KCNS3: variants seen among roughly 807,000 people sequenced by gnomAD.
KCNS3 encodes the protein potassium voltage-gated channel modifier subfamily S member 3.
A neutral mutation model predicts 31.0 loss-of-function variants in KCNS3; 13 were observed. That is an observed-to-expected ratio of 0.42 (90% CI 0.27 to 0.67). KCNS3 has a LOEUF of 0.67. Ranked by LOEUF, KCNS3 falls within the 30% of genes least tolerant of loss-of-function variation. The probability of loss-of-function intolerance (pLI) is 0.25; values close to 1 mark genes in which losing one functional copy is unlikely to be tolerated. For missense variants in KCNS3, 545 were observed against 622.4 expected (o/e 0.88, Z 1.32); for synonymous variants, 238 against 241.5 (o/e 0.99, Z 0.13).
Position 17,931,455 on chromosome 2 carries a change from G to A in KCNS3, c.447G>A (p.Ser149=), listed in dbSNP as rs1238471772. Residue 149 remains serine (S), a synonymous_variant, in exon 3 of 3, where the codon TCG becomes TCA. Transcript: ENST00000304101. The surrounding 1 kb of genome is among the most constrained non-coding windows in gnomAD (Gnocchi z 5.4). ...GTACCGACTCCTCGTTTGAAGAGTC[G>A]TCTCTGTTTGAGAAAGAGCTGGAGA... The part of the protein sequence containing the change: ...DVSTDSSFEE[S]SLFEKELEKF... 3.1e-6 allele frequency: 5 copies of A among 1,614,054 alleles called. No individual in the cohort carries two copies. Among genetic ancestry groups the A allele is most frequent in the South Asian group, 1.1e-5 (1 of 91,076 alleles).
intron 1 of KCNS3, among the ~76,000 whole-genome samples, chr2:17,904,251 T>C (rs1192272333): frequency 3.3e-5 from 5 of 152,260 alleles, no homozygotes; most frequent in Non-Finnish European, 7.3e-5. Context: ...GCTGCATAAA[T>C]GTCTTCTTTT....
intron 1 of KCNS3, among the ~76,000 whole-genome samples, chr2:17,906,069 G>A (rs1466471183): frequency 1.3e-5 from 2 of 152,122 alleles, no homozygotes; most frequent in Non-Finnish European, 2.9e-5. Context: ...TGATGAATTC[G>A]GCTGTGAATC....
At chr2:17,879,077 G>A (rs775147033) in intron 1 of KCNS3, among the ~76,000 whole-genome samples, 17 of 152,230 alleles carry the variant, frequency 1.1e-4, no homozygotes, top group Non-Finnish European at 2.2e-4. Context: ...TGTTGAAGCG[G>A]TGGCTGGGTT....
At chr2:17,888,629 GTATATATATATA>G (rs70964021) in intron 1 of KCNS3, among the ~76,000 whole-genome samples, 20,117 of 92,492 alleles carry the variant, frequency 0.22, 2,187 homozygotes, top group Non-Finnish European at 0.27. Context: ...TAAAAAAAAT[GTATATATATATA>G]TATATATATA....
rs1211876055 is a variant in KCNS3, at chr2:17,930,892, A to G, written c.-59-58A>G. 2.5e-6 allele frequency: 3 copies of G among 1,221,018 alleles called. No homozygotes were observed. In the East Asian group the frequency reaches 7.1e-5, roughly 29 times the overall value. The allele number at this position is 1,221,018 out of a possible 1,614,324, so 75.6% of individuals were successfully genotyped here. On this transcript the variant is annotated intron_variant, in intron 2 of 2. Transcript: ENST00000304101. ...TCCTCCTGGAAAGGGCAGATTAAAA[A>G]TAAGCTTGGCTGGGCACGGCAGGAC...
intron 1 of KCNS3, among the ~76,000 whole-genome samples, chr2:17,888,548 A>G (rs1012424726): frequency 6.7e-6 from 1 of 149,512 alleles, no homozygotes; most frequent in African/African-American, 2.5e-5. Context: ...GCAGCACACC[A>G]ACATGGCACA....
chr2:17,904,615 C>A (rs1321761350), intron 1 of KCNS3, among the ~76,000 whole-genome samples: 2 of 152,066 alleles, frequency 1.3e-5, no homozygotes, highest in Non-Finnish European at 2.9e-5. Flanking sequence ...AGTCTTTAAT[C>A]CATCTTGAAT....
Position 17,932,634 on chromosome 2 carries a change from T to C in KCNS3, c.*150T>C. The C allele has an allele frequency of 1.3e-6, 1 of 774,174 alleles. No individual in the cohort carries two copies. The allele number at this position is 774,174 out of a possible 1,614,324, so 48.0% of individuals were successfully genotyped here. A position where few individuals can be genotyped will look rare whatever the true frequency, so the allele number is the denominator to read the frequency against. On this transcript the variant is annotated 3_prime_UTR_variant, in exon 3 of 3. Coordinates refer to ENST00000304101, the MANE Select transcript of KCNS3 (RefSeq NM_002252.5). ...CATTCATTGCTGAATTCTGAAATGA[T>C]AGAATTGTCTTTATTTTTCTCTGTG...
At chr2:17,929,318 G>A (rs1662904039) in intron 2 of KCNS3, among the ~76,000 whole-genome samples, 1 of 152,174 alleles carries the variant, frequency 6.6e-6, no homozygotes, top group Non-Finnish European at 1.5e-5. Context: ...CATGGCTGGG[G>A]AGGCCTCAGG....
chr2:17,918,404 C>T lies in KCNS3; in HGVS notation c.-60+533C>T, dbSNP rs138217141. Among the ~76,000 whole-genome samples, 13 of 152,296 alleles carry T rather than the reference C, an allele frequency of 8.5e-5. No homozygotes were observed. In the East Asian group the frequency reaches 2.5e-3, roughly 29 times the overall value. ...GGGTTTCCAGGTTCTCCTGGGAAGA[C>T]GGAATGATATGTCTATACTGGGCCT... On this transcript the variant is annotated intron_variant, in intron 2 of 2. Transcript: ENST00000304101.
chr2:17,915,980 CT>C (rs1050794998), intron 1 of KCNS3, among the ~76,000 whole-genome samples: 1 of 152,070 alleles, frequency 6.6e-6, no homozygotes, highest in African/African-American at 2.4e-5. Flanking sequence ...CATACCAGTG[CT>C]ATAAAAAGGA....
intron 1 of KCNS3, among the ~76,000 whole-genome samples, chr2:17,882,464 G>A (rs1038346261): frequency 6.6e-6 from 1 of 152,200 alleles, no homozygotes; most frequent in Non-Finnish European, 1.5e-5. Context: ...TTTAAGTCCA[G>A]CATCTTTCTG....
chr2:17,879,049 G>A (rs767546337), intron 1 of KCNS3, among the ~76,000 whole-genome samples: 26 of 152,234 alleles, frequency 1.7e-4, no homozygotes, highest in Admixed American at 4.6e-4. Context: ...GGCTCCGCCT[G>A]TTGCGTGAAC....
chr2:17,902,951 T>C (rs557429170), intron 1 of KCNS3, among the ~76,000 whole-genome samples: 1 of 152,360 alleles, frequency 6.6e-6, no homozygotes, highest in African/African-American at 2.4e-5. Context: ...GTATGTATAT[T>C]AGAACTTATC....
At chr2:17,921,627 A>G (rs969618301) in intron 2 of KCNS3, among the ~76,000 whole-genome samples, 3 of 152,092 alleles carry the variant, frequency 2.0e-5, no homozygotes, top group Non-Finnish European at 4.4e-5. Flanking sequence ...AAATCATGGC[A>G]GAAGGCAAAG....
chr2:17,907,454 T>C (rs1345166536), intron 1 of KCNS3, among the ~76,000 whole-genome samples: 1 of 152,242 alleles, frequency 6.6e-6, no homozygotes, highest in African/African-American at 2.4e-5. Flanking sequence ...ATTTAGCCCA[T>C]TTACATTTAA....
At chr2:17,929,128 T>A (rs1047469142) in intron 2 of KCNS3, among the ~76,000 whole-genome samples, 25 of 152,234 alleles carry the variant, frequency 1.6e-4, no homozygotes, top group Admixed American at 1.6e-3. Flanking sequence ...TTTGGACTGA[T>A]ATACAGGGTC....
chr2:17,901,604 A>G (rs1662174472), intron 1 of KCNS3, among the ~76,000 whole-genome samples: 1 of 152,124 alleles, frequency 6.6e-6, no homozygotes, highest in Non-Finnish European at 1.5e-5. Context: ...CTGGAGATGC[A>G]CATCTGGGCT....
intron 2 of KCNS3, among the ~76,000 whole-genome samples, chr2:17,927,022 T>C (rs1022460481): frequency 2.0e-5 from 3 of 152,350 alleles, no homozygotes; most frequent in African/African-American, 7.2e-5. Context: ...TAAAACAGAA[T>C]GCTTTTAAGA....
Sources: allele counts gnomAD v4.1 joint callset (sites outside exome capture counted in the v4.1 genomes callset), GRCh38; gene constraint gnomAD v4.1.1; non-coding constraint Gnocchi (gnomAD v3.1); transcripts MANE v1.5; gene names NCBI Gene and HGNC (gene_info 2026-07-23, HGNC 2026-07-21).